The following PLXNA2 variants were observed in gnomAD, a reference collection of about 807,000 sequenced individuals.
The protein encoded by PLXNA2 is plexin-A2.
A neutral mutation model predicts 193.5 loss-of-function variants in PLXNA2; 91 were observed. The observed-to-expected ratio is 0.47, with a 90% CI of 0.40 to 0.56. PLXNA2 has a LOEUF of 0.56. Ranked by LOEUF, PLXNA2 falls within the 20% of genes least tolerant of loss-of-function variation. The probability of loss-of-function intolerance (pLI) is 0.00; values close to 1 mark genes in which losing one functional copy is unlikely to be tolerated. For synonymous variants in PLXNA2, 997 were observed against 1,027.3 expected, an observed-to-expected ratio of 0.97 and a Z score of 0.56; for missense variants, 1,995 against 2,503.2, an observed-to-expected ratio of 0.80 and a Z score of 4.33.
At position 208,185,197 on chromosome 1, in the gene PLXNA2, T is replaced by G. The variant is rs1467667104; in HGVS notation, c.1371+25083A>C. On this transcript the variant is annotated intron_variant, in intron 3 of 31. Transcript: ENST00000367033. Reference sequence around the variant, plus strand: ...AACCGTTCAAAGGAAAACTCCTGGCTTGGCCTTGTTAAGGAGGCCCTCTCA... The same window carrying G: ...AACCGTTCAAAGGAAAACTCCTGGCGTGGCCTTGTTAAGGAGGCCCTCTCA... Among the ~76,000 whole-genome samples the G allele has an allele frequency of 2.0e-5, 3 of 152,302 alleles. No individual in the cohort carries two copies. The East Asian group carries it at 5.8e-4, about 30-fold the overall frequency.
intron 3 of PLXNA2, among the ~76,000 whole-genome samples, chr1:208,178,657 G>T (rs979161936): frequency 6.6e-6 from 1 of 152,224 alleles, no homozygotes; most frequent in East Asian, 1.9e-4. Context: ...GGAAGGTATC[G>T]AATGAGGGAC....
chr1:208,086,948 ACTCTCTCT>A (rs59683728), intron 9 of PLXNA2, among the ~76,000 whole-genome samples: 213 of 134,526 alleles, frequency 1.6e-3, no homozygotes, highest in African/African-American at 2.2e-3. Context: ...TCTCTCTCGC[ACTCTCTCT>A]CTCTCTCTCT....
At chr1:208,186,708 A>ATT (rs368056918) in intron 3 of PLXNA2, among the ~76,000 whole-genome samples, 4 of 111,740 alleles carry the variant, frequency 3.6e-5, no homozygotes, top group African/African-American at 6.0e-5. Flanking sequence ...TTGCAATGTT[A>ATT]TTTTATTTTT....
At chr1:208,240,037 C>T (rs547288772) in intron 1 of PLXNA2, among the ~76,000 whole-genome samples, 10 of 152,304 alleles carry the variant, frequency 6.6e-5, no homozygotes, top group African/African-American at 1.7e-4. Flanking sequence ...GCAGGGAAGG[C>T]GGTTAATGGT....
intron 1 of PLXNA2, among the ~76,000 whole-genome samples, chr1:208,239,369 TG>T (rs1671974248): frequency 6.6e-6 from 1 of 152,214 alleles, no homozygotes. Context: ...CCATTCACAC[TG>T]TTAATCTCTC....
chr1:208,088,881 C>T (rs1666623150), intron 9 of PLXNA2, among the ~76,000 whole-genome samples: 1 of 152,182 alleles, frequency 6.6e-6, no homozygotes, highest in Admixed American at 6.5e-5. Context: ...TGGACTTTCA[C>T]TTATTCAAGG....
intron 13 of PLXNA2, among the ~76,000 whole-genome samples, chr1:208,055,360 T>C (rs1478242098): frequency 6.6e-6 from 1 of 152,120 alleles, no homozygotes; most frequent in Admixed American, 6.5e-5. Flanking sequence ...CACATTTAGA[T>C]ACTGGTTGCC....
intron 27 of PLXNA2, 36 bp downstream of exon 27, chr1:208,034,457 G>T (rs1330772564): frequency 7.3e-7 from 1 of 1,363,978 alleles, no homozygotes; most frequent in Middle Eastern, 1.8e-4. Flanking sequence ...AGAAGACTCT[G>T]CTCTGAGCTG....
intron 4 of PLXNA2, among the ~76,000 whole-genome samples, chr1:208,117,094 C>T (rs542482607): frequency 6.6e-6 from 1 of 152,250 alleles, no homozygotes; most frequent in African/African-American, 2.4e-5. Context: ...TAGCTTGAAC[C>T]TGGGAGGTGG....
intron 3 of PLXNA2, among the ~76,000 whole-genome samples, chr1:208,192,345 T>C (rs2102566298): frequency 6.6e-6 from 1 of 151,896 alleles, no homozygotes; most frequent in Non-Finnish European, 1.5e-5. Context: ...CGTGCACACA[T>C]ATGGCAGGTG....
chr1:208,150,173 G>A (rs1435449985), intron 3 of PLXNA2, among the ~76,000 whole-genome samples: 1 of 152,164 alleles, frequency 6.6e-6, no homozygotes, highest in African/African-American at 2.4e-5. Flanking sequence ...TAAGATTTGA[G>A]AATTTCTGCT....
At chr1:208,169,149 C>A (rs1571991861) in intron 3 of PLXNA2, among the ~76,000 whole-genome samples, 2 of 152,100 alleles carry the variant, frequency 1.3e-5, no homozygotes. Flanking sequence ...AAGGCAGACT[C>A]CTCCCTGCAC....
At position 208,096,727 on chromosome 1, in the gene PLXNA2, T is replaced by C. The variant is rs1301224421; in HGVS notation, c.1885+3A>G. 5.0e-6 allele frequency: 8 copies of C among 1,614,132 alleles called. No individual in the cohort carries two copies. The highest frequency in any genetic ancestry group is 1.7e-5 in the Admixed American group (1 of 60,022). ...TGTGGCTCTCATGGCAGATATTTCTTACCTTGATCCAGCGGGATGACAGGG... is the reference window on the plus strand; with the variant it reads ...TGTGGCTCTCATGGCAGATATTTCTCACCTTGATCCAGCGGGATGACAGGG... On this transcript the variant is annotated splice_donor_region_variant and intron_variant, in intron 7 of 31. Transcript: ENST00000367033.
At chr1:208,064,397 G>C (rs1433658852) in intron 12 of PLXNA2, among the ~76,000 whole-genome samples, 1 of 152,208 alleles carries the variant, frequency 6.6e-6, no homozygotes, top group South Asian at 2.1e-4. Flanking sequence ...TGGCCTGGCA[G>C]GTGTGGTCTT....
chr1:208,035,263 G>T (rs1664636470), intron 26 of PLXNA2, among the ~76,000 whole-genome samples: 2 of 152,174 alleles, frequency 1.3e-5, no homozygotes, highest in Non-Finnish European at 2.9e-5. Flanking sequence ...TTTGTAGCCA[G>T]GTATGTCAGG....
intron 3 of PLXNA2, among the ~76,000 whole-genome samples, chr1:208,163,606 G>A (rs1669203757): frequency 6.6e-6 from 1 of 152,178 alleles, no homozygotes; most frequent in South Asian, 2.1e-4. Context: ...GGCTGACAAA[G>A]CATTTACAAT....
At chr1:208,037,115 C>T (rs1382316073) in intron 26 of PLXNA2, among the ~76,000 whole-genome samples, 1 of 152,138 alleles carries the variant, frequency 6.6e-6, no homozygotes, top group African/African-American at 2.4e-5. Flanking sequence ...ATCCTGGGCA[C>T]CTCACACTTT....
At chr1:208,212,910 A>T (rs1671010950) in intron 2 of PLXNA2, among the ~76,000 whole-genome samples, 1 of 152,206 alleles carries the variant, frequency 6.6e-6, no homozygotes, top group African/African-American at 2.4e-5. Context: ...GTCATGTACC[A>T]TGTCTCAGCC....
intron 2 of PLXNA2, among the ~76,000 whole-genome samples, chr1:208,215,575 G>A (rs1671098123): frequency 6.6e-6 from 1 of 152,004 alleles, no homozygotes; most frequent in African/African-American, 2.4e-5. Flanking sequence ...ATGAAGGGAA[G>A]GATCAGGGAC....
Sources: allele counts gnomAD v4.1 joint callset (sites outside exome capture counted in the v4.1 genomes callset), GRCh38; gene constraint gnomAD v4.1.1; transcripts MANE v1.5; gene names NCBI Gene and HGNC (gene_info 2026-07-23, HGNC 2026-07-21).